Variants in TENM4 observed in about 807,000 individuals in gnomAD.
TENM4 encodes teneurin transmembrane protein 4.
TENM4 carries 82 observed loss-of-function variants against 243.3 expected under a neutral mutation model. That is an observed-to-expected ratio of 0.34 (90% confidence interval 0.28 to 0.40). TENM4 has a LOEUF of 0.40. Among genes scored for constraint, TENM4 ranks in the 10% least tolerant of loss-of-function variants. The pLI is 1.00. For missense variants in TENM4, 3,138 were observed against 3,673.3 expected, an observed-to-expected ratio of 0.85 and a Z score of 3.77; for synonymous variants, 1,412 against 1,456.3, an observed-to-expected ratio of 0.97 and a Z score of 0.69.
At chr11:79,104,326 A>G (rs925075757) in intron 4 of TENM4, among the ~76,000 whole-genome samples, 1 of 152,270 alleles carries the variant, frequency 6.6e-6, no homozygotes, top group African/African-American at 2.4e-5. Flanking sequence ...AAAGAAAATA[A>G]TAAGGACTCC....
intron 6 of TENM4, among the ~76,000 whole-genome samples, chr11:78,929,325 T>C (rs752765822): frequency 6.6e-6 from 1 of 152,122 alleles, no homozygotes; most frequent in Non-Finnish European, 1.5e-5. Context: ...ATCGGCTACA[T>C]TACAGTGATT....
intron 7 of TENM4, among the ~76,000 whole-genome samples, chr11:78,897,490 T>C (rs1313037723): frequency 2.0e-5 from 3 of 152,184 alleles, no homozygotes; most frequent in African/African-American, 7.2e-5. Flanking sequence ...AGTTAACATG[T>C]GCCAAGAACT....
intron 12 of TENM4, among the ~76,000 whole-genome samples, chr11:78,825,181 C>G (rs533822358): frequency 6.6e-6 from 1 of 152,186 alleles, no homozygotes; most frequent in African/African-American, 2.4e-5. Context: ...GTCACTACAC[C>G]GGTCTAGGTC....
chr11:78,829,064 A>G (rs577280926), intron 12 of TENM4, among the ~76,000 whole-genome samples: 2 of 152,328 alleles, frequency 1.3e-5, no homozygotes, highest in South Asian at 4.1e-4. Context: ...AGATGAAGAC[A>G]GCCTGAGGGG....
intron 9 of TENM4, among the ~76,000 whole-genome samples, chr11:78,873,862 G>GCCT (rs1363590594): frequency 6.6e-6 from 1 of 151,948 alleles, no homozygotes; most frequent in Non-Finnish European, 1.5e-5. Context: ...GAGCCTGCCT[G>GCCT]GCCATCTAGC....
At chr11:79,316,243 TA>T (rs111923800) in intron 1 of TENM4, among the ~76,000 whole-genome samples, 10,044 of 151,648 alleles carry the variant, frequency 0.066, 398 homozygotes, top group South Asian at 0.082. Context: ...AGAACTGATA[TA>T]AAAAAAAGAA....
intron 2 of TENM4, among the ~76,000 whole-genome samples, chr11:79,243,318 T>G (rs1855457860): frequency 6.6e-6 from 1 of 152,088 alleles, no homozygotes; most frequent in Non-Finnish European, 1.5e-5. Flanking sequence ...GGCTGTCTTG[T>G]CGTTGTACTC....
At chr11:79,123,324 A>T (rs1041175000) in intron 4 of TENM4, among the ~76,000 whole-genome samples, 1 of 152,182 alleles carries the variant, frequency 6.6e-6, no homozygotes, top group African/African-American at 2.4e-5. Context: ...TGAGATATTG[A>T]AAAGTTACGA....
At position 78,862,925 on chromosome 11, in the gene TENM4, C is replaced by G. The variant is rs747496679; in HGVS notation, c.1255+37G>C. On this transcript the variant is annotated intron_variant, in intron 10 of 33. Coordinates refer to ENST00000278550, the MANE Select transcript of TENM4 (RefSeq NM_001098816.3). ...GGGCTCTTCAGCTCAGAGGCAGACA[C>G]AGAGGACTCACAACACGGACAACGC... 3 of 1,376,830 alleles carry G rather than the reference C, an allele frequency of 2.2e-6. No homozygotes were observed. In the Admixed American group the frequency reaches 8.1e-5, roughly 37 times the overall value. The allele number at this position is 1,376,830 out of a possible 1,614,324, so 85.3% of individuals were successfully genotyped here.
chr11:79,382,963 C>T lies in TENM4; in HGVS notation c.-321+57546G>A, dbSNP rs556242737. 1.2e-4 allele frequency among the ~76,000 whole-genome samples: 18 copies of T among 152,258 alleles called. No individual in the cohort carries two copies. The East Asian group carries it at 2.7e-3, about 23-fold the overall frequency. ...AGCCCCCAGGGGCTGCGAGCAGGCACGCTCTGCCTGTGGCCTCCTGGGTCT... is the reference window on the plus strand; with the variant it reads ...AGCCCCCAGGGGCTGCGAGCAGGCATGCTCTGCCTGTGGCCTCCTGGGTCT... On this transcript the variant is annotated intron_variant, in intron 1 of 33. Coordinates refer to ENST00000278550, the MANE Select transcript of TENM4 (RefSeq NM_001098816.3).
At chr11:79,173,001 G>C (rs1456799129) in intron 3 of TENM4, among the ~76,000 whole-genome samples, 2 of 152,108 alleles carry the variant, frequency 1.3e-5, no homozygotes, top group African/African-American at 4.8e-5. Flanking sequence ...AGCAATCAGA[G>C]TAATTTTTCC....
At chr11:78,723,025 A>T (rs913855376) in intron 23 of TENM4, 108 bp from the exon 24 acceptor site, 43 of 1,466,066 alleles carry the variant, frequency 2.9e-5, no homozygotes, top group Admixed American at 1.0e-4. Context: ...GATCTCCATC[A>T]ACCATTTCCA....
chr11:78,774,824 A>G (rs1235575387), intron 17 of TENM4, among the ~76,000 whole-genome samples: 1 of 152,218 alleles, frequency 6.6e-6, no homozygotes, highest in African/African-American at 2.4e-5. Context: ...TCTTAAATTC[A>G]ATAAACTTTA....
At chr11:79,183,996 A>G (rs533946966) in intron 3 of TENM4, among the ~76,000 whole-genome samples, 1 of 152,328 alleles carries the variant, frequency 6.6e-6, no homozygotes, top group African/African-American at 2.4e-5. Flanking sequence ...CAACTATTCT[A>G]TTTTTGAATA....
intron 10 of TENM4, among the ~76,000 whole-genome samples, chr11:78,857,685 C>T (rs527500431): frequency 1.3e-5 from 2 of 152,266 alleles, no homozygotes; most frequent in African/African-American, 4.8e-5. Context: ...AAAGAGTTTG[C>T]TTTTTAATTC....
At chr11:78,973,128 C>T (rs1003725279) in intron 6 of TENM4, among the ~76,000 whole-genome samples, 2 of 152,192 alleles carry the variant, frequency 1.3e-5, no homozygotes, top group Non-Finnish European at 2.9e-5. Flanking sequence ...GGCTATTATC[C>T]ATAATGCTGC....
At chr11:79,295,156 C>A (rs1383054282) in intron 2 of TENM4, among the ~76,000 whole-genome samples, 1 of 152,172 alleles carries the variant, frequency 6.6e-6, no homozygotes, top group Non-Finnish European at 1.5e-5. Flanking sequence ...CAAACCCAGT[C>A]CTGTTTAGGC....
intron 15 of TENM4, among the ~76,000 whole-genome samples, chr11:78,804,174 C>G (rs1286631168): frequency 3.3e-5 from 5 of 152,198 alleles, no homozygotes; most frequent in African/African-American, 1.2e-4. Context: ...AAAAGCATAG[C>G]TGGAGATGCT....
At chr11:79,371,987 G>A (rs545949192) in intron 1 of TENM4, among the ~76,000 whole-genome samples, 2 of 152,276 alleles carry the variant, frequency 1.3e-5, no homozygotes, top group South Asian at 4.2e-4. Context: ...AGCCCAAGGT[G>A]TCAGGGATAG....
Sources: allele counts gnomAD v4.1 joint callset (sites outside exome capture counted in the v4.1 genomes callset), GRCh38; gene constraint gnomAD v4.1.1; transcripts MANE v1.5; gene names NCBI Gene and HGNC (gene_info 2026-07-23, HGNC 2026-07-21).